CLMP: variants seen among roughly 807,000 people sequenced by gnomAD.
The protein encoded by CLMP is CXADR like cell adhesion molecule.
Under a neutral mutation model 45.2 loss-of-function variants are expected in CLMP, and 27 were observed. The observed-to-expected ratio is 0.60, with a 90% CI of 0.44 to 0.82. The LOEUF (loss-of-function observed/expected upper bound fraction) is 0.82, where lower values mean the gene tolerates loss of function less well. CLMP is among the 40% of genes least tolerant of loss of function. The probability of loss-of-function intolerance (pLI) is 0.00; values close to 1 mark genes in which losing one functional copy is unlikely to be tolerated. For synonymous variants in CLMP, 167 were observed against 171.4 expected, an observed-to-expected ratio of 0.97 and a Z score of 0.20; for missense variants, 403 against 448.4, an observed-to-expected ratio of 0.90 and a Z score of 0.91.
At chr11:123,086,953 G>A (rs1438137943) in intron 2 of CLMP, among the ~76,000 whole-genome samples, 3 of 152,178 alleles carry the variant, frequency 2.0e-5, no homozygotes, top group Non-Finnish European at 4.4e-5. Flanking sequence ...CAGCATTTTG[G>A]GACGCCAAGG....
At chr11:123,090,080 ACT>A (rs1565379488) in intron 2 of CLMP, among the ~76,000 whole-genome samples, 3 of 151,228 alleles carry the variant, frequency 2.0e-5, no homozygotes, top group Non-Finnish European at 2.9e-5. Flanking sequence ...CAAGAGTGAA[ACT>A]CTGTCTCAAA....
chr11:123,074,930 G>T, intron 5 of CLMP, 87 bp from the exon 6 acceptor site: 1 of 1,403,466 alleles, frequency 7.1e-7, no homozygotes, highest in Non-Finnish European at 9.6e-7. Context: ...GCTCTGGACA[G>T]AATGAGTATT....
At chr11:123,116,203 A>G (rs184309326) in intron 1 of CLMP, among the ~76,000 whole-genome samples, 3 of 152,006 alleles carry the variant, frequency 2.0e-5, no homozygotes, top group East Asian at 3.9e-4. Flanking sequence ...CCCACACTCA[A>G]GAAGAGAGGA....
intron 1 of CLMP, among the ~76,000 whole-genome samples, chr11:123,171,863 T>A (rs1158169927): frequency 6.6e-6 from 1 of 152,218 alleles, no homozygotes; most frequent in Non-Finnish European, 1.5e-5. Flanking sequence ...ATACTTGTTA[T>A]ACAAAACTTG....
rs1342836703 is a variant in CLMP, at chr11:123,069,884, G to T, written c.*3590C>A. The T allele has an allele frequency of 2.0e-5, 3 of 152,074 alleles. No homozygotes were observed. The highest frequency in any genetic ancestry group is 4.8e-5 in the African/African-American group (2 of 41,398). 9.4% of individuals were successfully genotyped at this position (152,074 alleles called of 1,614,324 possible). A position where few individuals can be genotyped will look rare whatever the true frequency, so the allele number is the denominator to read the frequency against. ...TTCTCCTACAGTATCACTTTTACTTGTTTATTTTTTAATTGCTGATACAGA... is the reference window on the plus strand; with the variant it reads ...TTCTCCTACAGTATCACTTTTACTTTTTTATTTTTTAATTGCTGATACAGA... On this transcript the variant is annotated 3_prime_UTR_variant, in exon 7 of 7. Transcript: ENST00000448775.
chr11:123,107,972 G>C (rs1860583543), intron 1 of CLMP, among the ~76,000 whole-genome samples: 1 of 151,164 alleles, frequency 6.6e-6, no homozygotes, highest in Admixed American at 6.7e-5. Context: ...TTCCTGACGA[G>C]CAATTAAGGA....
At chr11:123,076,161 A>G (rs1332167636) in intron 5 of CLMP, among the ~76,000 whole-genome samples, 1 of 152,114 alleles carries the variant, frequency 6.6e-6, no homozygotes, top group Admixed American at 6.5e-5. Context: ...TCTGTCTCAA[A>G]AAAAAAAAAT....
rs1018170520 is a variant in CLMP, at chr11:123,190,022, A to C, written c.28+4891T>G. Among the ~76,000 whole-genome samples the C allele has an allele frequency of 5.1e-3, 723 of 142,546 alleles. 9 individuals carry two copies. Among genetic ancestry groups the C allele is most frequent in the African/African-American group, 0.018 (681 of 38,790 alleles). 93.5% of individuals were successfully genotyped at this position (142,546 alleles called of 152,430 possible). On this transcript the variant is annotated intron_variant, in intron 1 of 6. Coordinates refer to ENST00000448775, the MANE Select transcript of CLMP (RefSeq NM_024769.5). ...GTCTCAAAAAAAAAAAAAAAAAAAAAACAAAGCTCCTGCTTACAAATAGTT... is the reference window on the plus strand; with the variant it reads ...GTCTCAAAAAAAAAAAAAAAAAAAACACAAAGCTCCTGCTTACAAATAGTT...
Position 123,179,179 on chromosome 11 carries a change from G to T in CLMP, c.28+15734C>A, listed in dbSNP as rs559119148. Among the ~76,000 whole-genome samples the T allele has an allele frequency of 4.6e-5, 7 of 152,304 alleles. No individual in the cohort carries two copies. In the East Asian group the frequency reaches 1.2e-3, roughly 25 times the overall value. On this transcript the variant is annotated intron_variant, in intron 1 of 6. Coordinates refer to ENST00000448775, the MANE Select transcript of CLMP (RefSeq NM_024769.5). ...ATTACTAATATTTGTTACCTCGGTT[G>T]GTGGAAGATGCCAGGAAGGGAAACT...
intron 1 of CLMP, among the ~76,000 whole-genome samples, chr11:123,099,889 G>A (rs1866034853): frequency 6.6e-6 from 1 of 152,192 alleles, no homozygotes; most frequent in African/African-American, 2.4e-5. Context: ...TGAATGCACA[G>A]GAAAAGGGAA....
Position 123,083,223 on chromosome 11 carries a change from G to T in CLMP, c.557-16C>A. 6.2e-7 allele frequency: 1 copy of T among 1,611,902 alleles called. No homozygotes were observed. The highest frequency in any genetic ancestry group is 8.5e-7 in the Non-Finnish European group (1 of 1,178,730). ...TGGTTGTAGTCTGCACAAGCAGAAA[G>T]AATGACTGTAAATCCCTTTAGTGAT... On this transcript the variant is annotated splice_polypyrimidine_tract_variant and intron_variant, in intron 4 of 6. Transcript: ENST00000448775.
At chr11:123,139,945 C>A (rs191214548) in intron 1 of CLMP, among the ~76,000 whole-genome samples, 6 of 152,180 alleles carry the variant, frequency 3.9e-5, no homozygotes, top group Non-Finnish European at 7.3e-5. Context: ...GGGTATTCAA[C>A]GGGCTGTCCC....
At chr11:123,161,146 T>C (rs1000810541) in intron 1 of CLMP, among the ~76,000 whole-genome samples, 2 of 152,224 alleles carry the variant, frequency 1.3e-5, no homozygotes, top group Admixed American at 1.3e-4. Flanking sequence ...GCCTACTACG[T>C]GCCCAGCCCT....
chr11:123,107,547 T>C (rs1320499071), intron 1 of CLMP, among the ~76,000 whole-genome samples: 1 of 150,726 alleles, frequency 6.6e-6, no homozygotes, highest in East Asian at 2.0e-4. Context: ...TTTTTTTTTT[T>C]TTTTTTCAGA....
chr11:123,152,992 C>T (rs1057366898), intron 1 of CLMP, among the ~76,000 whole-genome samples: 2 of 152,214 alleles, frequency 1.3e-5, no homozygotes, highest in African/African-American at 4.8e-5. Context: ...AAATTGCCCC[C>T]AGAGGAAGCT....
At chr11:123,080,017 TTGGATGATC>T (rs2135465328) in intron 5 of CLMP, among the ~76,000 whole-genome samples, 1 of 152,314 alleles carries the variant, frequency 6.6e-6, no homozygotes, top group African/African-American at 2.4e-5. Flanking sequence ...TTGACTGGTG[TTGGATGATC>T]TGCCTCTGAA....
Position 123,073,293 on chromosome 11 carries a change from T to A in CLMP, c.*181A>T, listed in dbSNP as rs1865695078. The A allele has an allele frequency of 1.5e-6, 1 of 654,650 alleles. No individual in the cohort carries two copies. The highest frequency in any genetic ancestry group is 1.8e-5 in the African/African-American group (1 of 55,546). The allele number at this position is 654,650 out of a possible 1,614,324, so 40.6% of individuals were successfully genotyped here. On this transcript the variant is annotated 3_prime_UTR_variant, in exon 7 of 7. Transcript: ENST00000448775. ...CTTTTTACAGATGAATCAGCTTACA[T>A]CCTTTTGCTTGTTTGGTATTGTATA...
At chr11:123,190,627 C>T (rs1263226808) in intron 1 of CLMP, among the ~76,000 whole-genome samples, 2 of 152,296 alleles carry the variant, frequency 1.3e-5, no homozygotes, top group East Asian at 1.9e-4. Flanking sequence ...AGTATTAATT[C>T]CTTTCTCCTG....
chr11:123,172,358 G>A (rs933032676), intron 1 of CLMP, among the ~76,000 whole-genome samples: 3 of 151,930 alleles, frequency 2.0e-5, no homozygotes, highest in South Asian at 2.1e-4. Flanking sequence ...TGATCCACCT[G>A]CCTCGATCTC....
Sources: gnomAD v4.1 joint callset for allele counts (sites outside exome capture counted in the v4.1 genomes callset) on GRCh38, gnomAD v4.1.1 for gene constraint, MANE v1.5 for transcripts, NCBI Gene and HGNC (gene_info 2026-07-23, HGNC 2026-07-21) for gene names.